PLEKHH2: variants seen among roughly 807,000 people sequenced by gnomAD.
PLEKHH2 encodes pleckstrin homology domain-containing family H member 2.
PLEKHH2 carries 129 observed loss-of-function variants against 187.9 expected under a neutral mutation model. That is an observed-to-expected ratio of 0.69 (90% confidence interval 0.59 to 0.79). PLEKHH2 has a LOEUF of 0.79. PLEKHH2 is among the 30% of genes least tolerant of loss of function. The pLI is 0.00. For synonymous variants in PLEKHH2, 686 were observed against 605.6 expected (o/e 1.13, Z -1.95); for missense variants, 2,076 against 1,751.2 (o/e 1.19, Z -3.31).
At chr2:43,686,118 CTCT>C (rs377610841) in intron 3 of PLEKHH2, among the ~76,000 whole-genome samples, 155 of 151,704 alleles carry the variant, frequency 1.0e-3, no homozygotes, top group African/African-American at 3.5e-3. Context: ...CTTCTTCTTC[CTCT>C]TCTTCTTCCT....
chr2:43,764,203 T>C (rs1466300891), intron 28 of PLEKHH2, 25 bp from the exon 29 acceptor site: 3 of 1,348,596 alleles, frequency 2.2e-6, no homozygotes, highest in Non-Finnish European at 3.0e-6. Context: ...GCATATAACA[T>C]ATATACTTTT....
At chr2:43,677,029 A>C (rs193018341) in intron 2 of PLEKHH2, among the ~76,000 whole-genome samples, 60 of 152,266 alleles carry the variant, frequency 3.9e-4, no homozygotes, top group African/African-American at 1.3e-3. Flanking sequence ...CACTGAAGAA[A>C]ATTCTATTGA....
chr2:43,687,129 A>T (rs1217955531), intron 3 of PLEKHH2, among the ~76,000 whole-genome samples: 1 of 152,168 alleles, frequency 6.6e-6, no homozygotes, highest in Non-Finnish European at 1.5e-5. Flanking sequence ...ATAGTTTTTC[A>T]GCCCATGTCT....
At position 43,695,184 on chromosome 2, in the gene PLEKHH2, C is replaced by G; in HGVS notation, c.462C>G (p.Asn154Lys). 6.3e-7 allele frequency: 1 copy of G among 1,599,800 alleles called. No homozygotes were observed. The highest frequency in any genetic ancestry group is 8.5e-7 in the Non-Finnish European group (1 of 1,171,072). The change falls in exon 6 of 30, where the codon AAC (asparagine) becomes AAG (lysine). Residue 154 changes from asparagine to lysine, a missense_variant. By Grantham distance (94) the Asn-to-Lys change is moderately conservative. Coordinates refer to ENST00000282406, the MANE Select transcript of PLEKHH2 (RefSeq NM_172069.4). ...ENQNLRLINQ[N>K]QTEEIRTMQS... The stretch of plus-strand genomic sequence containing the variant: ...AGAATCTTCGTTTGATCAACCAAAA[C>G]CAAACTGAAGAGATAAGAACAATGC...
chr2:43,640,324 G>C (rs1010817691), intron 1 of PLEKHH2, among the ~76,000 whole-genome samples: 9 of 151,694 alleles, frequency 5.9e-5, no homozygotes, highest in Non-Finnish European at 1.3e-4. Context: ...CGAGTAGCTG[G>C]GACCACAGGT....
intron 15 of PLEKHH2, among the ~76,000 whole-genome samples, chr2:43,717,628 G>A (rs192826165): frequency 5.3e-4 from 80 of 152,232 alleles, no homozygotes; most frequent in African/African-American, 1.8e-3. Flanking sequence ...AAGGTTACTG[G>A]AAGTGAAGAG....
In PLEKHH2 at chr2:43,765,635, A is replaced by G. The variant is rs1310561701; in HGVS notation, c.*37A>G. 2 of 1,592,692 alleles carry G rather than the reference A, an allele frequency of 1.3e-6. No individual in the cohort carries two copies. The highest frequency in any genetic ancestry group is 1.8e-5 in the Admixed American group (1 of 56,518). Reference sequence around the variant, plus strand: ...CCTGAACATTCACTCCTTGTCCTCCATGCTGTGGCTGTATCAGCTCCCTAC... The same window carrying G: ...CCTGAACATTCACTCCTTGTCCTCCGTGCTGTGGCTGTATCAGCTCCCTAC... On this transcript the variant is annotated 3_prime_UTR_variant, in exon 30 of 30. Coordinates refer to ENST00000282406, the MANE Select transcript of PLEKHH2 (RefSeq NM_172069.4).
intron 19 of PLEKHH2, among the ~76,000 whole-genome samples, chr2:43,734,277 A>G (rs1056862726): frequency 6.6e-6 from 1 of 152,224 alleles, no homozygotes. Context: ...TTATATCACT[A>G]TATTCTCTTT....
chr2:43,675,821 C>A, intron 2 of PLEKHH2: 1 of 1,613,882 alleles, frequency 6.2e-7, no homozygotes, highest in Non-Finnish European at 8.5e-7. Context: ...ACAGTGTGGC[C>A]CAGATAGAAG....
rs748195744 is a variant in PLEKHH2 at position 43,710,124 on chromosome 2, A to G, written c.2101A>G (p.Asn701Asp). ...CTCATCTTCCAGTGATAATGGGAAA[A>G]ATGTAAATATTGAATATGATTTTTA... ...TCSSSSDNGK[N>D]EPLEKSGYLL... Residue 701 changes from asparagine to aspartate, a missense_variant and splice_region_variant, in exon 12 of 30, where the codon AAT becomes GAT. Transcript: ENST00000282406. The G allele has an allele frequency of 6.2e-7, 1 of 1,612,022 alleles. No homozygotes were observed. The highest frequency in any genetic ancestry group is 1.3e-5 in the African/African-American group (1 of 74,688).
rs377244045 is a variant in PLEKHH2, at chr2:43,675,826, T to C, written c.124-3037T>C. 7.3e-5 allele frequency: 118 copies of C among 1,613,944 alleles called. No homozygotes were observed. In the Admixed American group the frequency reaches 1.8e-3, roughly 25 times the overall value. ...TCCAAATATAACAGTGTGGCCCAGA[T>C]AGAAGGGCTGGGATGCATCCCTTGT... On this transcript the variant is annotated intron_variant, in intron 2 of 29. Transcript: ENST00000282406.
At position 43,740,700 on chromosome 2, in the gene PLEKHH2, T is replaced by C. The variant is rs1023294885; in HGVS notation, c.3124-246T>C. ...TGTAACGTCAAAAAGGAGCACCTTG[T>C]CTGCTTGTGCCTTGGTTCCTCAGTT... On this transcript the variant is annotated intron_variant, in intron 20 of 29. Transcript: ENST00000282406. 3 of 407,426 alleles carry C rather than the reference T, an allele frequency of 7.4e-6. No homozygotes were observed. The East Asian group carries it at 1.8e-4, about 24-fold the overall frequency. The allele number at this position is 407,426 out of a possible 1,614,324, so 25.2% of individuals were successfully genotyped here.
intron 2 of PLEKHH2, among the ~76,000 whole-genome samples, chr2:43,678,184 G>C (rs1403849045): frequency 2.0e-5 from 3 of 151,642 alleles, no homozygotes; most frequent in Non-Finnish European, 2.9e-5. Flanking sequence ...TCACTTCCTA[G>C]ATGGGATGGC....
In PLEKHH2 at chr2:43,692,634, C is replaced by G. The variant is rs774767433; in HGVS notation, c.307C>G (p.Gln103Glu). The G allele has an allele frequency of 7.4e-6, 12 of 1,612,982 alleles. No individual in the cohort carries two copies. The African/African-American group carries it at 1.6e-4, about 22-fold the overall frequency. ...SLIQEKDDVIQNLELQLEEQK... is the reference protein window; with the variant it reads ...SLIQEKDDVIENLELQLEEQK... ...AATACAGGAAAAAGATGACGTCATT[C>G]AAAACTTGGAATTGCAACTTGAAGA... is the stretch of plus-strand genomic sequence containing the variant. Residue 103 changes from glutamine to glutamate, a missense_variant, in exon 4 of 30, where the codon CAA (glutamine) becomes GAA (glutamate). Physicochemically the swap from Gln to Glu is conservative, Grantham distance 29. Transcript: ENST00000282406.
intron 1 of PLEKHH2, among the ~76,000 whole-genome samples, chr2:43,643,728 C>G (rs765815449): frequency 2.0e-5 from 3 of 152,034 alleles, no homozygotes; most frequent in Non-Finnish European, 2.9e-5. Flanking sequence ...CAGTTCATAG[C>G]AAGGGGAACT....
At chr2:43,697,608 G>A (rs539399631) in intron 7 of PLEKHH2, among the ~76,000 whole-genome samples, 4 of 152,008 alleles carry the variant, frequency 2.6e-5, no homozygotes, top group South Asian at 2.1e-4. Flanking sequence ...GTGGAAGGTG[G>A]GTATTTAAAA....
rs114234384 is a variant in PLEKHH2 at position 43,704,745 on chromosome 2, A to C, written c.1726+689A>C. 5.8e-3 allele frequency among the ~76,000 whole-genome samples: 871 copies of C among 151,456 alleles called. 8 individuals carry two copies. Among genetic ancestry groups the C allele is most frequent in the African/African-American group, 0.02 (827 of 41,454 alleles). The stretch of plus-strand genomic sequence containing the variant: ...TTCCCACAATAAAAAAAGTTTAGAA[A>C]AGTGATTTGCATTGCTATTTCATTC... On this transcript the variant is annotated intron_variant, in intron 9 of 29. Coordinates refer to ENST00000282406, the MANE Select transcript of PLEKHH2 (RefSeq NM_172069.4).
At chr2:43,704,156 A>G in intron 9 of PLEKHH2, 100 bp downstream of exon 9, 3 of 790,734 alleles carry the variant, frequency 3.8e-6, no homozygotes, top group Non-Finnish European at 6.0e-6. Context: ...AAAGACAAAT[A>G]CTGTATGATT....
At chr2:43,640,939 A>G (rs1026986303) in intron 1 of PLEKHH2, among the ~76,000 whole-genome samples, 1 of 138,818 alleles carries the variant, frequency 7.2e-6, no homozygotes, top group African/African-American at 2.7e-5. Context: ...CTGCACCACC[A>G]TGCCTGGCTA....
Sources: allele counts gnomAD v4.1 joint callset (sites outside exome capture counted in the v4.1 genomes callset), GRCh38; gene constraint gnomAD v4.1.1; transcripts MANE v1.5; gene names NCBI Gene and HGNC (gene_info 2026-07-23, HGNC 2026-07-21).